Variants in PRRC2B observed in about 807,000 individuals in gnomAD.
PRRC2B encodes the protein proline rich coiled-coil 2B.
In PRRC2B, 68 loss-of-function variants were observed where a neutral mutation model predicts 242.3. The observed-to-expected ratio is 0.28, with a 90% CI of 0.23 to 0.34. The LOEUF is 0.34. Among genes scored for constraint, PRRC2B ranks in the 10% least tolerant of loss-of-function variants. The pLI, the probability that PRRC2B is intolerant of heterozygous loss-of-function variation, is 1.00. For missense variants in PRRC2B, 2,835 were observed against 2,954.8 expected (o/e 0.96, Z 0.94); for synonymous variants, 1,228 against 1,173.6 (o/e 1.05, Z -0.95).
intron 1 of PRRC2B, among the ~76,000 whole-genome samples, chr9:131,404,077 A>T (rs939054353): frequency 2.6e-5 from 4 of 152,274 alleles, no homozygotes; most frequent in African/African-American, 2.4e-5. Flanking sequence ...CACCACACCC[A>T]GCCATTTTTC....
chr9:131,402,137 G>A (rs1485647139), intron 1 of PRRC2B, among the ~76,000 whole-genome samples: 1 of 151,970 alleles, frequency 6.6e-6, no homozygotes, highest in African/African-American at 2.4e-5. Flanking sequence ...TGTATTTTTA[G>A]GAGAAACGGA....
intron 5 of PRRC2B, among the ~76,000 whole-genome samples, chr9:131,440,897 C>A (rs12339345): frequency 6.6e-6 from 1 of 151,868 alleles, no homozygotes; most frequent in East Asian, 1.9e-4. Context: ...TCCGGTAGTT[C>A]GAGACCAGCC....
At position 131,487,640 on chromosome 9, in the gene PRRC2B, C is replaced by T. The variant is rs975619323; in HGVS notation, c.5985-216C>T. Among the ~76,000 whole-genome samples, 9 of 152,296 alleles carry T rather than the reference C, an allele frequency of 5.9e-5. No homozygotes were observed. Among genetic ancestry groups the T allele is most frequent in the Admixed American group, 1.3e-4 (2 of 15,302 alleles). Reference sequence around the variant, plus strand: ...TCATTGTGGCTGATGTCCTGTGCCTCGTACAGCCTGGATGTCTTCACTTGT... The same window carrying T: ...TCATTGTGGCTGATGTCCTGTGCCTTGTACAGCCTGGATGTCTTCACTTGT... On this transcript the variant is annotated intron_variant, in intron 27 of 31. Transcript: ENST00000683519. This position sits in a 1 kb window ranked among gnomAD's most constrained non-coding sequence, Gnocchi z 5.3.
Position 131,487,916 on chromosome 9 carries a change from C to T in PRRC2B, c.6045C>T (p.Gly2015=). 1 of 1,613,912 alleles carries T rather than the reference C, an allele frequency of 6.2e-7. No individual in the cohort carries two copies. The highest frequency in any genetic ancestry group is 8.5e-7 in the Non-Finnish European group (1 of 1,179,814). Residue 2015 remains glycine, a synonymous_variant, in exon 28 of 32, where the codon GGC becomes GGT. Transcript: ENST00000683519. This position sits in a 1 kb window ranked among gnomAD's most constrained non-coding sequence, Gnocchi z 5.3. ...CCAGCACCATGATCCTCTCTGGGGG[C>T]ACAGCCTTGAAGCCTCCATACTCGG... ...SPPSTMILSG[G]TALKPPYSAF...
rs1182570668 is a variant in PRRC2B, at chr9:131,475,719, G to T, written c.3590G>T (p.Gly1197Val). 1 of 1,613,200 alleles carries T rather than the reference G, an allele frequency of 6.2e-7. No homozygotes were observed. The highest frequency in any genetic ancestry group is 1.7e-5 in the Admixed American group (1 of 59,958). Residue 1197 changes from glycine to valine, a missense_variant, in exon 16 of 32, where the codon GGC becomes GTC. Physicochemically the swap from Gly to Val is moderately radical, Grantham distance 109. This residue lies in a region of PRRC2B where 1,536 missense variants were observed against 1,483.1 expected (regional missense o/e 1.04). Transcript: ENST00000683519. ...AGCGGTCTAGATGCCAAGAGCCGAG[G>T]CCCTCGGGCCTTTGGGCGAGCCCTC... is the stretch of plus-strand genomic sequence containing the variant. ...DHSGLDAKSRGPRAFGRALPP... is the reference protein window; with the variant it reads ...DHSGLDAKSRVPRAFGRALPP...
Position 131,474,622 on chromosome 9 carries a change from T to G in PRRC2B, c.2493T>G (p.Phe831Leu). 1.9e-6 allele frequency: 3 copies of G among 1,614,000 alleles called. No individual in the cohort carries two copies. The highest frequency in any genetic ancestry group is 1.7e-6 in the Non-Finnish European group (2 of 1,179,888). Reference protein sequence around the residue: ...SSQRIGQELLFPPQENVQDAG... With the variant: ...SSQRIGQELLLPPQENVQDAG... ...AAAGAATAGGCCAGGAGCTTTTGTTTCCACCCCAAGAAAATGTTCAGGATG... is the reference window on the plus strand; with the variant it reads ...AAAGAATAGGCCAGGAGCTTTTGTTGCCACCCCAAGAAAATGTTCAGGATG... The change falls in exon 16 of 32, where the codon TTT becomes TTG. Residue 831 changes from phenylalanine (F) to leucine (L), a missense_variant. By Grantham distance (22) the Phe-to-Leu change is conservative. Transcript: ENST00000683519.
At chr9:131,430,808 G>A (rs1838141602) in intron 2 of PRRC2B, among the ~76,000 whole-genome samples, 1 of 151,194 alleles carries the variant, frequency 6.6e-6, no homozygotes, top group Non-Finnish European at 1.5e-5. Flanking sequence ...AGTGAGGCTG[G>A]TCTCAAACTC....
upstream of PRRC2B, among the ~76,000 whole-genome samples, chr9:131,392,698 A>G (rs1836922169): frequency 6.6e-6 from 1 of 152,186 alleles, no homozygotes; most frequent in South Asian, 2.1e-4. Context: ...GGATCACTTT[A>G]GCGCAGGAGT....
At position 131,439,055 on chromosome 9, in the gene PRRC2B, G is replaced by A. The variant is rs1427101344; in HGVS notation, c.463G>A (p.Glu155Lys). The A allele has an allele frequency of 8.1e-6, 13 of 1,613,586 alleles. No individual in the cohort carries two copies. Among genetic ancestry groups the A allele is most frequent in the East Asian group, 4.5e-5 (2 of 44,876 alleles). ...AQLNGKPVGH[E>K]GGLRGSSRLL... Reference sequence around the variant, plus strand: ...GCTGAATGGAAAGCCAGTAGGACACGAAGGTGGTAAGTGCGCACGTGTGTG... The same window carrying A: ...GCTGAATGGAAAGCCAGTAGGACACAAAGGTGGTAAGTGCGCACGTGTGTG... Residue 155 changes from glutamate to lysine, a missense_variant, in exon 5 of 32, where the codon GAA becomes AAA. Physicochemically the swap from Glu to Lys is moderately conservative, Grantham distance 56. Transcript: ENST00000683519.
In PRRC2B at chr9:131,492,187, A is replaced by G. The variant is rs370697477; in HGVS notation, c.6400A>G (p.Lys2134Glu). 1 of 1,613,716 alleles carries G rather than the reference A, an allele frequency of 6.2e-7. No individual in the cohort carries two copies. Among genetic ancestry groups the G allele is most frequent in the African/African-American group, 1.3e-5 (1 of 74,940 alleles). The stretch of plus-strand genomic sequence containing the variant: ...TCTCTAGCCCTCTCAGATGGAGATG[A>G]AAGGCTTCCACTTTGCCGACAGTAA... ...TSREPSQMEM[K>E]GFHFADSKQN... is the part of the protein sequence containing the mutation. Residue 2134 changes from lysine (K) to glutamate (E), a missense_variant, in exon 30 of 32, where the codon AAA becomes GAA. Physicochemically the swap from Lys to Glu is moderately conservative, Grantham distance 56. This residue lies in a region of PRRC2B where 574 missense variants were observed against 626.0 expected (regional missense o/e 0.92). Transcript: ENST00000683519.
At chr9:131,479,757 A>T (rs1943805074) in intron 19 of PRRC2B, among the ~76,000 whole-genome samples, 1 of 151,706 alleles carries the variant, frequency 6.6e-6, no homozygotes, top group Non-Finnish European at 1.5e-5. Context: ...AATGACAGAT[A>T]GACCAGCCGC....
chr9:131,436,586 C>T (rs1448642969), intron 3 of PRRC2B, 34 bp from the exon 4 acceptor site: 9 of 1,564,652 alleles, frequency 5.8e-6, no homozygotes, highest in African/African-American at 1.3e-5. Flanking sequence ...GCACTCTGTG[C>T]GGTGCCTGAC....
intron 1 of PRRC2B, among the ~76,000 whole-genome samples, chr9:131,429,265 G>A (rs1838060325): frequency 6.7e-6 from 1 of 150,176 alleles, no homozygotes; most frequent in Admixed American, 6.7e-5. Context: ...AGTATTTTGA[G>A]TGAGTGAGTG....
chr9:131,425,001 C>A (rs901592944), intron 1 of PRRC2B, among the ~76,000 whole-genome samples: 1 of 152,146 alleles, frequency 6.6e-6, no homozygotes, highest in Admixed American at 6.6e-5. Flanking sequence ...GATTCTCACT[C>A]TGCTGCCCAG....
intron 1 of PRRC2B, among the ~76,000 whole-genome samples, chr9:131,394,868 A>G (rs1422326876): frequency 6.6e-6 from 1 of 151,568 alleles, no homozygotes; most frequent in East Asian, 1.9e-4. Context: ...TGAGTGCGGG[A>G]ACCAGAGGGT....
chr9:131,436,152 G>A (rs1838361251), intron 3 of PRRC2B, among the ~76,000 whole-genome samples: 1 of 152,114 alleles, frequency 6.6e-6, no homozygotes, highest in South Asian at 2.1e-4. Context: ...TTTACAGTGA[G>A]CTTTTAGTTT....
intron 9 of PRRC2B, among the ~76,000 whole-genome samples, chr9:131,450,412 C>T (rs956437109): frequency 4.0e-5 from 6 of 151,374 alleles, no homozygotes; most frequent in Non-Finnish European, 5.9e-5. Context: ...GAATTATAGG[C>T]GCGCACCACA....
At chr9:131,485,180 A>G (rs187378009) in intron 25 of PRRC2B, 40 bp downstream of exon 25, 3 of 1,464,826 alleles carry the variant, frequency 2.0e-6, no homozygotes, top group Admixed American at 2.3e-5. Flanking sequence ...GTCCTTCTCC[A>G]TTTATTATCA....
In PRRC2B at chr9:131,474,847, G is replaced by C; in HGVS notation, c.2718G>C (p.Gly906=). 6.2e-7 allele frequency: 1 copy of C among 1,610,100 alleles called. No individual in the cohort carries two copies. The highest frequency in any genetic ancestry group is 1.1e-5 in the South Asian group (1 of 90,390). ...ACATCTCCTCCTGGGACAAGAACGG[G>C]AGCCCCAACAAACAGCCATCCTCGG... ...AFNISSWDKN[G]SPNKQPSSEP... The change falls in exon 16 of 32, where the codon GGG becomes GGC. Residue 906 remains glycine (G), a synonymous_variant. Coordinates refer to ENST00000683519, the MANE Select transcript of PRRC2B (RefSeq NM_013318.4).
Sources: gnomAD v4.1 joint callset for allele counts (sites outside exome capture counted in the v4.1 genomes callset) on GRCh38, gnomAD v4.1.1 for gene constraint, gnomAD v4.1.1 regional missense constraint, Gnocchi (gnomAD v3.1) non-coding constraint, MANE v1.5 for transcripts, NCBI Gene and HGNC (gene_info 2026-07-23, HGNC 2026-07-21) for gene names.